Variants in REDIC1 observed in about 807,000 individuals in gnomAD.
The protein encoded by REDIC1 is HEI10 Interacting Protein 1.
At chr12:39,866,758 C>T in the REDIC1 span, among the ~76,000 whole-genome samples, 27 of 152,264 alleles carry the variant, frequency 1.8e-4, no homozygotes, top group African/African-American at 6.0e-4. Flanking sequence ...GGATTACAGG[C>T]GTGAGCCACA....
chr12:39,751,874 G>A, the REDIC1 span, among the ~76,000 whole-genome samples: 1 of 152,166 alleles, frequency 6.6e-6, no homozygotes, highest in Non-Finnish European at 1.5e-5. Context: ...GACACAGGAA[G>A]GGGAACATCA....
chr12:39,728,782 T>TA, the REDIC1 span, among the ~76,000 whole-genome samples: 1 of 144,866 alleles, frequency 6.9e-6, no homozygotes, highest in South Asian at 2.2e-4. Flanking sequence ...GTCCTGGGCT[T>TA]TTTTTTTTTT....
At chr12:39,638,722 T>A in the REDIC1 span, among the ~76,000 whole-genome samples, 1 of 152,048 alleles carries the variant, frequency 6.6e-6, no homozygotes, top group Admixed American at 6.6e-5. Flanking sequence ...AGAAATGACC[T>A]TTGACATATA....
chr12:39,731,380 T>C, the REDIC1 span, among the ~76,000 whole-genome samples: 9 of 152,358 alleles, frequency 5.9e-5, no homozygotes, highest in East Asian at 1.3e-3. Context: ...TATTCCTTTC[T>C]GTTTGTTAGT....
At chr12:39,637,126 C>T in the REDIC1 span, among the ~76,000 whole-genome samples, 1,821 of 151,488 alleles carry the variant, frequency 0.012, 71 homozygotes, top group East Asian at 0.086. Context: ...CCCCTTTATA[C>T]TTTTTTGTTT....
chr12:39,896,138 G>GTA, the REDIC1 span, among the ~76,000 whole-genome samples: 2 of 144,192 alleles, frequency 1.4e-5, no homozygotes, highest in Non-Finnish European at 3.0e-5. Flanking sequence ...GTATACACGT[G>GTA]TACCTATATA....
At chr12:39,826,751 G>T in the REDIC1 span, among the ~76,000 whole-genome samples, 1 of 146,322 alleles carries the variant, frequency 6.8e-6, no homozygotes. Context: ...ACATATATAT[G>T]TCATATAAAA....
the REDIC1 span, among the ~76,000 whole-genome samples, chr12:39,732,439 A>G: frequency 6.6e-6 from 1 of 151,986 alleles, no homozygotes; most frequent in Non-Finnish European, 1.5e-5. Flanking sequence ...TCTGTTTTTC[A>G]CTTTTTTCTC....
chr12:39,903,490 G>T, the REDIC1 span, among the ~76,000 whole-genome samples: 2 of 152,004 alleles, frequency 1.3e-5, no homozygotes, highest in African/African-American at 4.8e-5. Context: ...TGCCATTCTA[G>T]GCCCTGTGTT....
the REDIC1 span, among the ~76,000 whole-genome samples, chr12:39,748,788 T>A: frequency 2.0e-5 from 3 of 152,082 alleles, 1 homozygote; most frequent in South Asian, 6.2e-4. Context: ...CTCAACTACA[T>A]GGAAACTGAA....
the REDIC1 span, among the ~76,000 whole-genome samples, chr12:39,884,056 AT>A: frequency 6.6e-6 from 1 of 152,208 alleles, no homozygotes; most frequent in South Asian, 2.1e-4. Context: ...AAGTGTTAAC[AT>A]TTTGTAGATT....
chr12:39,682,706 C>T, the REDIC1 span: 2 of 1,612,966 alleles, frequency 1.2e-6, no homozygotes, highest in East Asian at 2.2e-5. Flanking sequence ...GACTACATTA[C>T]TGAAAAACAC....
chr12:39,672,555 G>T, the REDIC1 span, among the ~76,000 whole-genome samples: 1 of 152,156 alleles, frequency 6.6e-6, no homozygotes, highest in Non-Finnish European at 1.5e-5. Context: ...TGGCCACCCT[G>T]TCACTGGGGG....
chr12:39,694,110 T>C, the REDIC1 span, among the ~76,000 whole-genome samples: 1 of 152,220 alleles, frequency 6.6e-6, no homozygotes, highest in African/African-American at 2.4e-5. Context: ...TTCTCTATTA[T>C]ATCTTTTGCC....
chr12:39,801,796 A>G, the REDIC1 span, among the ~76,000 whole-genome samples: 1 of 152,214 alleles, frequency 6.6e-6, no homozygotes, highest in Admixed American at 6.5e-5. Flanking sequence ...AAATCAGATC[A>G]ACTGGAAGTG....
the REDIC1 span, among the ~76,000 whole-genome samples, chr12:39,839,349 G>GGAAACT: frequency 1.3e-5 from 2 of 151,848 alleles, no homozygotes; most frequent in Non-Finnish European, 2.9e-5. Context: ...CATGTAAGTA[G>GGAAACT]GAAACTCATG....
the REDIC1 span, among the ~76,000 whole-genome samples, chr12:39,705,222 A>G: frequency 1.3e-5 from 2 of 152,188 alleles, no homozygotes; most frequent in East Asian, 3.9e-4. Flanking sequence ...GAAGAAAAGG[A>G]CAAATTCCTA....
At chr12:39,666,675 G>A in the REDIC1 span, among the ~76,000 whole-genome samples, 120,483 of 152,006 alleles carry the variant, frequency 0.79, 48,476 homozygotes, top group Non-Finnish European at 0.87. Context: ...GGTAGAATTC[G>A]GCTGTGAATC....
At chr12:39,880,052 T>C in the REDIC1 span, among the ~76,000 whole-genome samples, 1,111 of 152,144 alleles carry the variant, frequency 7.3e-3, 11 homozygotes, top group African/African-American at 0.025. Flanking sequence ...GCACTCTCTC[T>C]CTCTCGCGCT....
Sources: allele counts gnomAD v4.1 joint callset (sites outside exome capture counted in the v4.1 genomes callset), GRCh38; gene constraint gnomAD v4.1.1; transcripts MANE v1.5; gene names NCBI Gene and HGNC (gene_info 2026-07-23, HGNC 2026-07-21).